The following MYT1L variants were observed in gnomAD, a reference collection of about 807,000 sequenced individuals.
The protein encoded by MYT1L is myelin transcription factor 1-like protein.
MYT1L carries 12 observed loss-of-function variants against 126.7 expected under a neutral mutation model. The observed-to-expected ratio is 0.09, with a 90% CI of 0.06 to 0.15. The LOEUF (loss-of-function observed/expected upper bound fraction) is 0.15, where lower values mean the gene tolerates loss of function less well. MYT1L is among the 10% of genes least tolerant of loss of function. The pLI, the probability that MYT1L is intolerant of heterozygous loss-of-function variation, is 1.00. For missense variants in MYT1L, 979 were observed against 1,585.2 expected (o/e 0.62, Z 6.49); for synonymous variants, 541 against 604.2 (o/e 0.90, Z 1.53).
At chr2:1,960,203 A>G (rs913731883) in intron 8 of MYT1L, among the ~76,000 whole-genome samples, 1 of 152,196 alleles carries the variant, frequency 6.6e-6, no homozygotes, top group Non-Finnish European at 1.5e-5. Context: ...ACATGCAGAA[A>G]AAGGATATGG....
At chr2:2,188,948 A>T (rs889062108) in intron 2 of MYT1L, among the ~76,000 whole-genome samples, 9 of 152,088 alleles carry the variant, frequency 5.9e-5, no homozygotes, top group Non-Finnish European at 1.3e-4. Flanking sequence ...CTCCTCTCAC[A>T]CATGCTTCAA....
Position 2,177,658 on chromosome 2 carries a change from G to A in MYT1L, c.-420-4670C>T, listed in dbSNP as rs145738619. On this transcript the variant is annotated intron_variant, in intron 2 of 24. Transcript: ENST00000647738. ...GTGAAGCAGGCACATGGTACATGGTGGCAGGTGAAAGAGAGAATTTGAGAG... is the reference window on the plus strand; with the variant it reads ...GTGAAGCAGGCACATGGTACATGGTAGCAGGTGAAAGAGAGAATTTGAGAG... Among the ~76,000 whole-genome samples the A allele has an allele frequency of 7.9e-5, 12 of 152,278 alleles. No individual in the cohort carries two copies. The East Asian group carries it at 2.1e-3, about 27-fold the overall frequency.
intron 2 of MYT1L, among the ~76,000 whole-genome samples, chr2:2,272,521 G>A (rs536579410): frequency 6.6e-6 from 1 of 152,302 alleles, no homozygotes; most frequent in South Asian, 2.1e-4. Context: ...AAACAAACTG[G>A]CCTCTCAGGG....
At chr2:1,856,964 G>A (rs114510013) in intron 18 of MYT1L, among the ~76,000 whole-genome samples, 69 of 152,324 alleles carry the variant, frequency 4.5e-4, no homozygotes, top group African/African-American at 1.5e-3. Flanking sequence ...AGACACACGT[G>A]TTGAACACCC....
chr2:2,209,428 C>T (rs1364396994), intron 2 of MYT1L, among the ~76,000 whole-genome samples: 1 of 152,002 alleles, frequency 6.6e-6, no homozygotes, highest in African/African-American at 2.4e-5. Context: ...TGGTAACCAT[C>T]CTTCTACTCT....
At chr2:1,989,576 G>A (rs1322143316) in intron 5 of MYT1L, among the ~76,000 whole-genome samples, 5 of 152,058 alleles carry the variant, frequency 3.3e-5, no homozygotes, top group South Asian at 2.1e-4. Context: ...TTGACAATAC[G>A]GAAATAATTT....
Position 1,922,952 on chromosome 2 carries a change from C to T in MYT1L, c.817G>A (p.Gly273Ser), listed in dbSNP as rs200235250. ...DSLKLLAQGH[G>S]VVLSENMNDR... is the part of the protein sequence containing the mutation. ...TTCATGTTTTCTGAGAGCACAACACCGTGTCCTTGGGCTAATAGTTTAAGG... is the reference window on the plus strand; with the variant it reads ...TTCATGTTTTCTGAGAGCACAACACTGTGTCCTTGGGCTAATAGTTTAAGG... Residue 273 changes from glycine (G) to serine (S), a missense_variant, in exon 10 of 25, where the codon GGT becomes AGT. By Grantham distance (56) the Gly-to-Ser change is moderately conservative. This residue lies in a region of MYT1L where 243 missense variants were observed against 363.9 expected (regional missense o/e 0.67). Transcript: ENST00000647738. The surrounding 1 kb of genome is among the most constrained non-coding windows in gnomAD (Gnocchi z 7.4). 450 of 1,614,062 alleles carry T rather than the reference C, an allele frequency of 2.8e-4. No homozygotes were observed. In the African/African-American group the frequency reaches 4.9e-3, roughly 18 times the overall value.
chr2:2,030,429 A>G (rs953382082), intron 4 of MYT1L, among the ~76,000 whole-genome samples: 1 of 152,204 alleles, frequency 6.6e-6, no homozygotes, highest in East Asian at 1.9e-4. Flanking sequence ...TTTTGTCTCT[A>G]AAGCATCTGA....
intron 3 of MYT1L, among the ~76,000 whole-genome samples, chr2:2,130,466 A>G (rs2082227742): frequency 6.6e-6 from 1 of 152,198 alleles, no homozygotes; most frequent in African/African-American, 2.4e-5. Flanking sequence ...GCAGGTGTCC[A>G]GGTGTGTGTG....
chr2:2,285,295 C>T lies in MYT1L; in HGVS notation c.-520-792G>A, dbSNP rs1187013742. Among the ~76,000 whole-genome samples, 12 of 152,124 alleles carry T rather than the reference C, an allele frequency of 7.9e-5. No homozygotes were observed. The East Asian group carries it at 2.3e-3, about 29-fold the overall frequency. ...GGGACCTCAAACGCAGCTTGCCTAT[C>T]TAAGGCCATATCAGGACAAATGCCA... On this transcript the variant is annotated intron_variant, in intron 1 of 24. Coordinates refer to ENST00000647738, the MANE Select transcript of MYT1L (RefSeq NM_001303052.2).
chr2:2,277,569 G>A (rs1423708184), intron 2 of MYT1L, among the ~76,000 whole-genome samples: 1 of 152,194 alleles, frequency 6.6e-6, no homozygotes, highest in African/African-American at 2.4e-5. Context: ...CAGTGAAAAT[G>A]GATTCTTTAG....
intron 4 of MYT1L, among the ~76,000 whole-genome samples, chr2:2,003,142 G>A (rs984353408): frequency 1.3e-5 from 2 of 152,100 alleles, no homozygotes; most frequent in Non-Finnish European, 2.9e-5. Context: ...TGTTCTTCCT[G>A]AGTCCCGTTC....
intron 18 of MYT1L, among the ~76,000 whole-genome samples, chr2:1,859,313 G>C (rs2044285207): frequency 6.6e-6 from 1 of 152,162 alleles, no homozygotes; most frequent in Non-Finnish European, 1.5e-5. Context: ...TTGGTTCCCA[G>C]CACTTTTCTT....
chr2:1,919,993 C>T (rs2149089690), intron 10 of MYT1L, among the ~76,000 whole-genome samples: 1 of 152,270 alleles, frequency 6.6e-6, no homozygotes, highest in African/African-American at 2.4e-5. Context: ...AGTTTCTTTG[C>T]TCCACTTTGT....
Position 2,184,031 on chromosome 2 carries a change from AAGAG to A in MYT1L, c.-420-11047_-420-11044del, listed in dbSNP as rs998980123. On this transcript the variant is annotated intron_variant, in intron 2 of 24. Transcript: ENST00000647738. The stretch of plus-strand genomic sequence containing the variant: ...AGAGAAAGAGAGAAAGAAAGACAGA[AAGAG>A]AGAAAAAGAAAAAGAAAGAAAGAAA... Among the ~76,000 whole-genome samples the A allele has an allele frequency of 8.7e-5, 13 of 150,156 alleles. No homozygotes were observed. In the East Asian group the frequency reaches 1.8e-3, roughly 21 times the overall value.
At chr2:2,095,924 G>A (rs2077414983) in intron 3 of MYT1L, among the ~76,000 whole-genome samples, 1 of 152,182 alleles carries the variant, frequency 6.6e-6, no homozygotes, top group Non-Finnish European at 1.5e-5. Flanking sequence ...TGCTTTGCGA[G>A]TTGGGCCCCA....
chr2:2,022,525 C>T (rs1238785667), intron 4 of MYT1L, among the ~76,000 whole-genome samples: 1 of 152,108 alleles, frequency 6.6e-6, no homozygotes, highest in African/African-American at 2.4e-5. Context: ...CTCTCCTGTT[C>T]CATCTATTAA....
At chr2:1,795,486 G>T in intron 23 of MYT1L, 1 of 152,844 alleles carries the variant, frequency 6.5e-6, no homozygotes, top group Non-Finnish European at 1.5e-5. Context: ...GAGGGGCACA[G>T]AGGCCGGTGT....
chr2:1,819,541 C>T (rs1490552123), intron 21 of MYT1L, among the ~76,000 whole-genome samples: 1 of 152,210 alleles, frequency 6.6e-6, no homozygotes, highest in African/African-American at 2.4e-5. Context: ...CCAGCCTCAC[C>T]CTCCACTCCT....
Sources: allele counts gnomAD v4.1 joint callset (sites outside exome capture counted in the v4.1 genomes callset), GRCh38; gene constraint gnomAD v4.1.1; regional missense constraint gnomAD v4.1.1; non-coding constraint Gnocchi (gnomAD v3.1); transcripts MANE v1.5; gene names NCBI Gene and HGNC (gene_info 2026-07-23, HGNC 2026-07-21).